Variants in UTY observed in about 807,000 individuals in gnomAD.
UTY encodes ubiquitously transcribed tetratricopeptide repeat containing, Y-linked.
UTY carries 12 observed loss-of-function variants against 32.5 expected under a neutral mutation model. That is an observed-to-expected ratio of 0.37 (90% CI 0.24 to 0.60). UTY has a LOEUF of 0.60. UTY is among the 20% of genes least tolerant of loss of function. The pLI is 0.69. For missense variants in UTY, 303 were observed against 299.2 expected, an observed-to-expected ratio of 1.01 and a Z score of -0.09; for synonymous variants, 131 against 103.4, an observed-to-expected ratio of 1.27 and a Z score of -1.62.
intron 27 of UTY, among the ~76,000 whole-genome samples, chrY:13,290,272 C>CA (rs2057686678): frequency 1.9e-4 from 6 of 30,858 alleles, no homozygotes; most frequent in African/African-American, 3.7e-4. Flanking sequence ...CTAACAACAA[C>CA]AAAAAAAAAG....
chrY:13,311,082 C>T (rs578107262), intron 21 of UTY, among the ~76,000 whole-genome samples: 1,597 of 26,715 alleles, frequency 0.06, no homozygotes, highest in Non-Finnish European at 0.022. Flanking sequence ...AGTGAGACTC[C>T]GTCCCCAAAA....
chrY:13,290,528 C>A (rs1603316224), intron 27 of UTY, among the ~76,000 whole-genome samples: 1 of 33,883 alleles, frequency 3.0e-5, no homozygotes, highest in South Asian at 6.4e-4. Context: ...AAAAGTCTCA[C>A]AGAAAAGCCC....
chrY:13,246,744 G>A, downstream of UTY, among the ~76,000 whole-genome samples: 1 of 29,787 alleles, frequency 3.4e-5, no homozygotes, highest in Admixed American at 3.2e-4. Context: ...TTAGCCCAGT[G>A]GGGTGGCCTG....
intron 27 of UTY, among the ~76,000 whole-genome samples, chrY:13,288,799 C>T: frequency 3.0e-5 from 1 of 33,568 alleles, no homozygotes; most frequent in Non-Finnish European, 7.3e-5. Flanking sequence ...ATGAAAAATA[C>T]TATCTATCAA....
At chrY:13,289,996 A>T (rs28667837) in intron 27 of UTY, among the ~76,000 whole-genome samples, 10 of 32,525 alleles carry the variant, frequency 3.1e-4, no homozygotes, top group Non-Finnish European at 4.5e-4. Context: ...AAAATAAAAA[A>T]AAATAAATAA....
intron 8 of UTY, among the ~76,000 whole-genome samples, chrY:13,381,294 T>C (rs529336748): frequency 1.8e-4 from 6 of 34,250 alleles, no homozygotes; most frequent in Admixed American, 1.6e-3. Flanking sequence ...CCCAGTACTT[T>C]GAGAGACAGG....
chrY:13,382,348 T>C, intron 8 of UTY, among the ~76,000 whole-genome samples: 2 of 33,395 alleles, frequency 6.0e-5, no homozygotes, highest in Middle Eastern at 0.014. Flanking sequence ...ACTGAATATA[T>C]AGTCATCCCT....
intron 9 of UTY, among the ~76,000 whole-genome samples, chrY:13,367,804 C>A: frequency 3.0e-5 from 1 of 33,066 alleles, no homozygotes; most frequent in Non-Finnish European, 7.4e-5. Context: ...TTATTTTATA[C>A]TACTTTCAAA....
intron 2 of UTY, among the ~76,000 whole-genome samples, chrY:13,476,474 G>A: frequency 3.0e-5 from 1 of 33,328 alleles, no homozygotes; most frequent in Non-Finnish European, 7.4e-5. Flanking sequence ...TTTAATAGGC[G>A]TTTCTCCTGT....
At chrY:13,380,283 A>C (rs1603445867) in intron 8 of UTY, among the ~76,000 whole-genome samples, 5 of 27,367 alleles carry the variant, frequency 1.8e-4, no homozygotes, top group African/African-American at 7.2e-4. Flanking sequence ...TAACTGATAA[A>C]GCAGACAGCA....
chrY:13,431,637 T>C (rs2074034199), intron 4 of UTY, among the ~76,000 whole-genome samples: 1 of 32,982 alleles, frequency 3.0e-5, no homozygotes, highest in African/African-American at 1.2e-4. Context: ...TAAATGTGAT[T>C]GACGCATCAC....
chrY:13,435,930 A>G, intron 4 of UTY, among the ~76,000 whole-genome samples: 1 of 33,099 alleles, frequency 3.0e-5, no homozygotes, highest in African/African-American at 1.2e-4. Flanking sequence ...AGGGTGCCTT[A>G]CAGGGACAGA....
chrY:13,358,705 A>C, intron 13 of UTY, 86 bp from the exon 14 acceptor site: 1 of 211,697 alleles, frequency 4.7e-6, no homozygotes, highest in East Asian at 1.1e-4. Flanking sequence ...TATACTTTTC[A>C]ACACTATGCG....
At chrY:13,295,626 T>C (rs2057988981) in intron 27 of UTY, among the ~76,000 whole-genome samples, 1 of 33,992 alleles carries the variant, frequency 2.9e-5, no homozygotes, top group African/African-American at 1.1e-4. Context: ...AATTTCCTTA[T>C]AGCTGTGAAC....
chrY:13,245,576 T>C, downstream of UTY, among the ~76,000 whole-genome samples: 1 of 34,353 alleles, frequency 2.9e-5, no homozygotes, highest in Non-Finnish European at 7.3e-5. Flanking sequence ...GTGAACTTTA[T>C]TCCTTAAAAT....
At chrY:13,418,663 C>T in intron 4 of UTY, among the ~76,000 whole-genome samples, 1 of 31,578 alleles carries the variant, frequency 3.2e-5, no homozygotes, top group Admixed American at 2.8e-4. Context: ...ACTGACAGAT[C>T]CCCCTCTTTC....
rs2053994644 is a variant in UTY at position 13,248,986 on chromosome Y, G to A, written c.*870C>T. On this transcript the variant is annotated 3_prime_UTR_variant, in exon 30 of 30. Coordinates refer to ENST00000545955, the MANE Select transcript of UTY (RefSeq NM_001258249.2). ...ACATATAATCATTAGGTTTGAAAAT[G>A]AACAAAAAGTGGATTTTTTCAGAAA... The A allele has an allele frequency of 2.6e-5, 1 of 38,097 alleles. No individual in the cohort carries two copies. Among genetic ancestry groups the A allele is most frequent in the Non-Finnish European group, 6.2e-5 (1 of 16,073 alleles). 9.5% of individuals were successfully genotyped at this position (38,097 alleles called of 400,897 possible). A position where few individuals can be genotyped will look rare whatever the true frequency, so the allele number is the denominator to read the frequency against.
chrY:13,445,243 TAATATA>T (rs2075603360), intron 4 of UTY, among the ~76,000 whole-genome samples: 1 of 1,553 alleles, frequency 6.4e-4, no homozygotes, highest in East Asian at 0.01. Context: ...GTTTTTAAAA[TAATATA>T]TATATATATA....
At chrY:13,293,133 G>C (rs981128299) in intron 27 of UTY, among the ~76,000 whole-genome samples, 1 of 33,320 alleles carries the variant, frequency 3.0e-5, no homozygotes, top group Admixed American at 2.7e-4. Context: ...GGTACAGAAG[G>C]AATGGATCTC....
Sources: allele counts gnomAD v4.1 joint callset (sites outside exome capture counted in the v4.1 genomes callset), GRCh38; gene constraint gnomAD v4.1.1; transcripts MANE v1.5; gene names NCBI Gene and HGNC (gene_info 2026-07-23, HGNC 2026-07-21).